Variants in UBE2E2 observed in about 807,000 individuals in gnomAD.
The protein encoded by UBE2E2 is ubiquitin conjugating enzyme E2 E2.
In UBE2E2, 6 loss-of-function variants were observed where a neutral mutation model predicts 24.7. That is an observed-to-expected ratio of 0.24 (90% CI 0.13 to 0.48). The LOEUF (loss-of-function observed/expected upper bound fraction) is 0.48, where lower values mean the gene tolerates loss of function less well. UBE2E2 is among the 20% of genes least tolerant of loss of function. The pLI, the probability that UBE2E2 is intolerant of heterozygous loss-of-function variation, is 0.99. For synonymous variants in UBE2E2, 104 were observed against 83.6 expected (o/e 1.24, Z -1.33); for missense variants, 169 against 245.0 (o/e 0.69, Z 2.07).
intron 3 of UBE2E2, among the ~76,000 whole-genome samples, chr3:23,439,463 G>A (rs1277709622): frequency 2.0e-5 from 3 of 152,182 alleles, no homozygotes; most frequent in African/African-American, 7.2e-5. Flanking sequence ...ATAAGTGTTT[G>A]GATTAAGGGA....
intron 3 of UBE2E2, among the ~76,000 whole-genome samples, chr3:23,467,135 T>C (rs1698936408): frequency 6.6e-6 from 1 of 152,200 alleles, no homozygotes; most frequent in African/African-American, 2.4e-5. Flanking sequence ...CTCTTAAATA[T>C]GACATGTATG....
At chr3:23,235,407 G>A (rs552705068) in intron 3 of UBE2E2, among the ~76,000 whole-genome samples, 6 of 152,220 alleles carry the variant, frequency 3.9e-5, no homozygotes, top group Non-Finnish European at 2.9e-5. Context: ...TGATGTTCAG[G>A]GAGCTAGCTG....
At chr3:23,325,620 T>C (rs771701211) in intron 3 of UBE2E2, among the ~76,000 whole-genome samples, 5 of 152,232 alleles carry the variant, frequency 3.3e-5, no homozygotes, top group Admixed American at 6.5e-5. Context: ...AGTCAGAATG[T>C]TTACACTTTG....
At chr3:23,512,073 C>T (rs1694607521) in intron 4 of UBE2E2, among the ~76,000 whole-genome samples, 1 of 152,102 alleles carries the variant, frequency 6.6e-6, no homozygotes, top group South Asian at 2.1e-4. Context: ...CTCCTGGCCT[C>T]CTAATTTCCA....
At chr3:23,487,731 G>C (rs768233017) in intron 3 of UBE2E2, among the ~76,000 whole-genome samples, 11 of 152,166 alleles carry the variant, frequency 7.2e-5, no homozygotes, top group Non-Finnish European at 1.6e-4. Flanking sequence ...GGATTTGGAC[G>C]CTTCATCTCT....
intron 3 of UBE2E2, among the ~76,000 whole-genome samples, chr3:23,497,665 A>G (rs995005817): frequency 3.9e-5 from 6 of 152,176 alleles, no homozygotes; most frequent in Non-Finnish European, 5.9e-5. Flanking sequence ...ATATCTGTGT[A>G]TATTTTGTGC....
chr3:23,263,744 G>C (rs1697964972), intron 3 of UBE2E2, among the ~76,000 whole-genome samples: 2 of 152,206 alleles, frequency 1.3e-5, no homozygotes, highest in Non-Finnish European at 2.9e-5. Flanking sequence ...AGGCTTAAAA[G>C]GATCATTGAA....
chr3:23,203,243 C>T, upstream of UBE2E2: 2 of 988,044 alleles, frequency 2.0e-6, no homozygotes, highest in Non-Finnish European at 2.4e-6. Context: ...CCGGGGGCGG[C>T]GGCAGCGGCG....
At chr3:23,237,568 T>C (rs1188765735) in intron 3 of UBE2E2, among the ~76,000 whole-genome samples, 1 of 152,176 alleles carries the variant, frequency 6.6e-6, no homozygotes, top group African/African-American at 2.4e-5. Context: ...ATGGACTCTT[T>C]TATTATTAAA....
intron 3 of UBE2E2, among the ~76,000 whole-genome samples, chr3:23,359,291 AT>A (rs568472773): frequency 1.0e-3 from 156 of 152,292 alleles, no homozygotes; most frequent in African/African-American, 3.6e-3. Context: ...CCTTTGAGAA[AT>A]ATGGTTCTGG....
intron 3 of UBE2E2, among the ~76,000 whole-genome samples, chr3:23,468,360 CTG>C (rs1698967134): frequency 1.3e-5 from 2 of 152,204 alleles, no homozygotes; most frequent in South Asian, 4.1e-4. Context: ...GCAAAGAAGA[CTG>C]TACCTATACT....
At chr3:23,429,673 G>A (rs1013774879) in intron 3 of UBE2E2, among the ~76,000 whole-genome samples, 5 of 152,136 alleles carry the variant, frequency 3.3e-5, no homozygotes, top group African/African-American at 1.2e-4. Flanking sequence ...CCTAGCTAAT[G>A]TAGTGAGATA....
At chr3:23,549,936 G>A (rs1414655337) in intron 5 of UBE2E2, among the ~76,000 whole-genome samples, 5 of 151,800 alleles carry the variant, frequency 3.3e-5, no homozygotes, top group Non-Finnish European at 5.9e-5. Flanking sequence ...AGGAGGCTAA[G>A]GCAGGAGAAT....
chr3:23,220,229 C>A (rs746426915), intron 3 of UBE2E2, among the ~76,000 whole-genome samples: 39 of 152,058 alleles, frequency 2.6e-4, no homozygotes, highest in Non-Finnish European at 5.0e-4. Context: ...AGAACACCTA[C>A]AAATGATTTA....
chr3:23,348,694 G>C (rs761137723), intron 3 of UBE2E2, among the ~76,000 whole-genome samples: 3 of 152,142 alleles, frequency 2.0e-5, no homozygotes, highest in Non-Finnish European at 4.4e-5. Flanking sequence ...TGATACCTGG[G>C]CCCTGAGGAG....
intron 3 of UBE2E2, among the ~76,000 whole-genome samples, chr3:23,415,373 A>C (rs1697597967): frequency 6.6e-6 from 1 of 152,172 alleles, no homozygotes. Context: ...TTTTTCTTCA[A>C]ATTGCAACTC....
intron 3 of UBE2E2, among the ~76,000 whole-genome samples, chr3:23,294,869 T>C (rs552325278): frequency 2.0e-5 from 3 of 151,944 alleles, no homozygotes; most frequent in South Asian, 4.1e-4. Context: ...ACCAAAAATA[T>C]AATGATGCAG....
chr3:23,488,707 T>C (rs1293750312), intron 3 of UBE2E2, among the ~76,000 whole-genome samples: 1 of 152,224 alleles, frequency 6.6e-6, no homozygotes, highest in Non-Finnish European at 1.5e-5. Flanking sequence ...TGGTTTACCC[T>C]CTTGTCAGAA....
chr3:23,287,351 T>C (rs536587214), intron 3 of UBE2E2, among the ~76,000 whole-genome samples: 2 of 152,266 alleles, frequency 1.3e-5, no homozygotes, highest in Middle Eastern at 3.4e-3. Context: ...ATTTTTGCAT[T>C]AGTGATCATT....
Sources: allele counts gnomAD v4.1 joint callset (sites outside exome capture counted in the v4.1 genomes callset), GRCh38; gene constraint gnomAD v4.1.1; transcripts MANE v1.5; gene names NCBI Gene and HGNC (gene_info 2026-07-23, HGNC 2026-07-21).